NAA15: variants seen among roughly 807,000 people sequenced by gnomAD.
NAA15 encodes N-alpha-acetyltransferase 15, NatA auxiliary subunit, also known as N-terminal acetyltransferase.
A neutral mutation model predicts 114.0 loss-of-function variants in NAA15; 34 were observed. That is an observed-to-expected ratio of 0.30 (90% confidence interval 0.23 to 0.40). NAA15 has a LOEUF of 0.40. Among genes scored for constraint, NAA15 ranks in the 10% least tolerant of loss-of-function variants. The probability of loss-of-function intolerance (pLI) is 1.00; values close to 1 mark genes in which losing one functional copy is unlikely to be tolerated. For synonymous variants in NAA15, 340 were observed against 338.0 expected (o/e 1.01, Z -0.06); for missense variants, 658 against 1,004.5 (o/e 0.66, Z 4.66).
intron 17 of NAA15, among the ~76,000 whole-genome samples, chr4:139,380,821 C>T (rs1748730250): frequency 6.6e-6 from 1 of 152,082 alleles, no homozygotes; most frequent in African/African-American, 2.4e-5. Context: ...AACGGGTGTA[C>T]TATAAAGGCA....
At chr4:139,345,826 CAGG>C (rs1224236483) in intron 6 of NAA15, among the ~76,000 whole-genome samples, 4 of 151,978 alleles carry the variant, frequency 2.6e-5, no homozygotes, top group African/African-American at 7.3e-5. Flanking sequence ...GAGGCTGAGG[CAGG>C]AGAACGGCGT....
chr4:139,385,287 T>TATATATA (rs1748874109), intron 18 of NAA15, among the ~76,000 whole-genome samples: 1 of 95,784 alleles, frequency 1.0e-5, no homozygotes, highest in African/African-American at 4.0e-5. Flanking sequence ...ATATATAATA[T>TATATATA]ATATATATAT....
intron 1 of NAA15, among the ~76,000 whole-genome samples, chr4:139,314,263 A>C (rs1238864571): frequency 6.6e-6 from 1 of 151,678 alleles, no homozygotes; most frequent in Non-Finnish European, 1.5e-5. Context: ...ATACAAGGGG[A>C]TCTGAGGTAG....
intron 1 of NAA15, among the ~76,000 whole-genome samples, chr4:139,331,592 G>A (rs544831730): frequency 6.8e-4 from 102 of 149,028 alleles, no homozygotes; most frequent in African/African-American, 2.5e-3. Flanking sequence ...GATTACAGGC[G>A]CCTGCATGCC....
chr4:139,341,837 T>C (rs1371620453), intron 4 of NAA15, among the ~76,000 whole-genome samples: 1 of 151,462 alleles, frequency 6.6e-6, no homozygotes, highest in Non-Finnish European at 1.5e-5. Flanking sequence ...TTCTCATGCC[T>C]CAGCCTCCTG....
At chr4:139,371,604 T>C (rs1461895249) in intron 15 of NAA15, among the ~76,000 whole-genome samples, 1 of 151,456 alleles carries the variant, frequency 6.6e-6, no homozygotes, top group Admixed American at 6.6e-5. Flanking sequence ...TACAAATAAT[T>C]GTATACCTGC....
intron 1 of NAA15, among the ~76,000 whole-genome samples, chr4:139,303,072 C>G (rs1026920757): frequency 3.9e-5 from 6 of 152,204 alleles, no homozygotes; most frequent in Non-Finnish European, 7.3e-5. Flanking sequence ...GAATAATCAT[C>G]CATTTGAACT....
At chr4:139,357,016 A>G (rs565371985) in intron 10 of NAA15, among the ~76,000 whole-genome samples, 245 of 151,988 alleles carry the variant, frequency 1.6e-3, no homozygotes, top group African/African-American at 5.6e-3. Flanking sequence ...ACATGAATAG[A>G]GAACATTTTT....
At position 139,314,996 on chromosome 4, in the gene NAA15, T is replaced by TCAGGTCAGG. The variant is rs1560952688; in HGVS notation, c.54+13165_54+13166insCAGGTCAGG. On this transcript the variant is annotated intron_variant, in intron 1 of 19. Transcript: ENST00000296543. ...CGGCCTAGAGAAGCGTTCAGTTCAG[T>TCAGGTCAGG]TCAGTTTAGTTTAGGTTAGGTTAGG... Among the ~76,000 whole-genome samples the TCAGGTCAGG allele has an allele frequency of 1.9e-4, 11 of 57,314 alleles. 1 individual carries two copies. The highest frequency in any genetic ancestry group is 3.3e-4 in the Admixed American group (2 of 6,006). The allele number at this position is 57,314 out of a possible 152,430, so 37.6% of individuals were successfully genotyped here.
intron 1 of NAA15, among the ~76,000 whole-genome samples, chr4:139,315,023 T>C (rs534398663): frequency 0.022 from 2,807 of 129,714 alleles, 252 homozygotes; most frequent in Admixed American, 0.046. Flanking sequence ...TAGGTTAGGT[T>C]AGGTTAGGTT....
intron 14 of NAA15, among the ~76,000 whole-genome samples, chr4:139,367,715 A>ATATTT (rs1748321946): frequency 6.6e-6 from 1 of 152,212 alleles, no homozygotes; most frequent in Non-Finnish European, 1.5e-5. Flanking sequence ...CCCTCTTGAC[A>ATATTT]TATTTTTTGA....
At chr4:139,322,373 T>C (rs1746648162) in intron 1 of NAA15, among the ~76,000 whole-genome samples, 1 of 152,242 alleles carries the variant, frequency 6.6e-6, no homozygotes. Context: ...TCCAGCCTCA[T>C]GGAACTGTAA....
chr4:139,370,148 A>G (rs2110977047), intron 14 of NAA15, 63 bp from the exon 15 acceptor site: 1 of 1,255,148 alleles, frequency 8.0e-7, no homozygotes, highest in Middle Eastern at 2.9e-4. Context: ...ATCAAATAAT[A>G]CTTAAAATTA....
At chr4:139,349,240 G>A (rs1409646957) in intron 6 of NAA15, among the ~76,000 whole-genome samples, 1 of 152,054 alleles carries the variant, frequency 6.6e-6, no homozygotes, top group Non-Finnish European at 1.5e-5. Context: ...ATAAATTGAG[G>A]ATGTGAAGAG....
intron 19 of NAA15, 50 bp from the exon 20 acceptor site, chr4:139,387,834 T>C: frequency 6.9e-7 from 1 of 1,448,256 alleles, no homozygotes; most frequent in Non-Finnish European, 9.6e-7. Context: ...AAATTCCCAG[T>C]AAGAACCTTT....
chr4:139,388,067 C>T lies in NAA15; in HGVS notation c.2584C>T (p.Leu862=). The part of the protein sequence containing the change: ...NGDSSAEAEE[L]ANEI ...AGATAGTTCTGCAGAAGCTGAAGAA[C>T]TGGCCAATGAAATTTGAACATCACT... The change falls in exon 20 of 20, where the codon CTG becomes TTG. Residue 862 remains leucine (L), a synonymous_variant. Coordinates refer to ENST00000296543, the MANE Select transcript of NAA15 (RefSeq NM_057175.5). 6.2e-7 allele frequency: 1 copy of T among 1,613,552 alleles called. No individual in the cohort carries two copies. The highest frequency in any genetic ancestry group is 8.5e-7 in the Non-Finnish European group (1 of 1,179,760).
chr4:139,313,973 A>G (rs1746302241), intron 1 of NAA15, among the ~76,000 whole-genome samples: 1 of 151,988 alleles, frequency 6.6e-6, no homozygotes. Context: ...GAGTTTGACC[A>G]CAACATTAAA....
chr4:139,326,863 T>G (rs1396824902), intron 1 of NAA15, among the ~76,000 whole-genome samples: 3 of 152,224 alleles, frequency 2.0e-5, no homozygotes, highest in Non-Finnish European at 4.4e-5. Context: ...TTAGTACTTT[T>G]AGTTTAGGTA....
chr4:139,355,196 A>G (rs1395120114), intron 10 of NAA15, among the ~76,000 whole-genome samples: 2 of 152,130 alleles, frequency 1.3e-5, no homozygotes, highest in Non-Finnish European at 2.9e-5. Flanking sequence ...ATACTTTCTT[A>G]ATAATAACTA....
Sources: gnomAD v4.1 joint callset for allele counts (sites outside exome capture counted in the v4.1 genomes callset) on GRCh38, gnomAD v4.1.1 for gene constraint, MANE v1.5 for transcripts, NCBI Gene and HGNC (gene_info 2026-07-23, HGNC 2026-07-21) for gene names.